The following BCL9 variants were observed in gnomAD, a reference collection of about 807,000 sequenced individuals.
The protein encoded by BCL9 is BCL9 transcription coactivator.
BCL9 carries 25 observed loss-of-function variants against 88.5 expected under a neutral mutation model. That is an observed-to-expected ratio of 0.28 (90% CI 0.21 to 0.39). The LOEUF (loss-of-function observed/expected upper bound fraction) is 0.39. Among genes scored for constraint, BCL9 ranks in the 10% least tolerant of loss-of-function variants. The pLI, the probability that BCL9 is intolerant of heterozygous loss-of-function variation, is 1.00. For missense variants in BCL9, 1,817 were observed against 1,877.8 expected (o/e 0.97, Z 0.60); for synonymous variants, 711 against 673.3 (o/e 1.06, Z -0.87).
At position 147,582,272 on chromosome 1, in the gene BCL9, C is replaced by T. The variant is rs587619054; in HGVS notation, c.-477-22505C>T. ...ATGAATGTACCAAGGTTTATTTAAC[C>T]ATTCCTATTCTGCTCTATGTTTAGA... On this transcript the variant is annotated intron_variant, in intron 1 of 9. Transcript: ENST00000234739. Among the ~76,000 whole-genome samples, 8 of 152,268 alleles carry T rather than the reference C, an allele frequency of 5.3e-5. No individual in the cohort carries two copies. The South Asian group carries it at 1.5e-3, about 28-fold the overall frequency.
In BCL9 at chr1:147,618,871, C is replaced by A. The variant is rs201967879; in HGVS notation, c.716C>A (p.Pro239Gln). The A allele has an allele frequency of 1.3e-5, 21 of 1,605,340 alleles. 1 individual carries two copies. The highest frequency in any genetic ancestry group is 1.7e-5 in the Non-Finnish European group (20 of 1,175,654). ...CCGAAACCTCTCCCACAACAGCCCC[C>A]AGCTCCGGCCAACCAGGACCAGAAT... ...NDPKPLPQQPPAPANQDQNSS... is the reference protein window; with the variant it reads ...NDPKPLPQQPQAPANQDQNSS... Residue 239 changes from proline (P) to glutamine (Q), a missense_variant, in exon 8 of 10, where the codon CCA (proline) becomes CAA (glutamine). Pro to Gln is a moderately conservative substitution (Grantham distance 76). Around this residue, in one of 2 missense-constraint regions of BCL9, gnomAD observed 1,228 missense variants for 1,191.6 expected, o/e 1.03. Coordinates refer to ENST00000234739, the MANE Select transcript of BCL9 (RefSeq NM_004326.4).
At chr1:147,551,408 G>A (rs1310969344) in intron 1 of BCL9, among the ~76,000 whole-genome samples, 3 of 152,202 alleles carry the variant, frequency 2.0e-5, no homozygotes, top group African/African-American at 7.2e-5. Flanking sequence ...ATTGAATGAA[G>A]GATAGTGGCA....
At chr1:147,592,835 A>G (rs976329437) in intron 1 of BCL9, among the ~76,000 whole-genome samples, 6 of 152,076 alleles carry the variant, frequency 3.9e-5, no homozygotes, top group Admixed American at 3.9e-4. Flanking sequence ...TTATTCCCAC[A>G]CTACTCTGGG....
chr1:147,550,559 G>A (rs1009439896), intron 1 of BCL9, among the ~76,000 whole-genome samples: 1 of 152,174 alleles, frequency 6.6e-6, no homozygotes, highest in Admixed American at 6.5e-5. Context: ...TGAATAGTGA[G>A]AGTGAGAATA....
intron 1 of BCL9, among the ~76,000 whole-genome samples, chr1:147,588,546 G>A (rs637784): frequency 0.14 from 21,097 of 152,100 alleles, 2,830 homozygotes; most frequent in African/African-American, 0.31. Context: ...AGAGAGGCTC[G>A]CTAGTTTCCT....
intron 1 of BCL9, among the ~76,000 whole-genome samples, chr1:147,559,746 G>C (rs782733317): frequency 2.6e-5 from 4 of 152,178 alleles, no homozygotes; most frequent in Non-Finnish European, 4.4e-5. Flanking sequence ...ACAAGCAAGA[G>C]AGTAAATACC....
intron 4 of BCL9, 21 bp downstream of exon 4, chr1:147,611,910 T>G (rs1553202658): frequency 6.2e-7 from 1 of 1,610,526 alleles, no homozygotes; most frequent in Admixed American, 1.7e-5. Context: ...GGCTGGGGCC[T>G]CTTCCTGCAG....
intron 1 of BCL9, among the ~76,000 whole-genome samples, chr1:147,589,275 A>G (rs1656748502): frequency 6.6e-6 from 1 of 152,152 alleles, no homozygotes; most frequent in Non-Finnish European, 1.5e-5. Context: ...GTCACCCATA[A>G]TTCTAAAACT....
intron 1 of BCL9, among the ~76,000 whole-genome samples, chr1:147,567,387 A>T (rs1553196855): frequency 6.6e-6 from 1 of 152,200 alleles, no homozygotes; most frequent in Non-Finnish European, 1.5e-5. Context: ...TAGGAAGAGA[A>T]TGCTACTCTG....
chr1:147,575,719 T>G (rs1195555143), intron 1 of BCL9, among the ~76,000 whole-genome samples: 1 of 152,232 alleles, frequency 6.6e-6, no homozygotes, highest in Non-Finnish European at 1.5e-5. Context: ...TTCACTATAT[T>G]TATCTACTTA....
intron 2 of BCL9, among the ~76,000 whole-genome samples, chr1:147,605,308 T>C (rs1553201844): frequency 2.0e-5 from 3 of 152,222 alleles, no homozygotes; most frequent in African/African-American, 7.2e-5. Context: ...GGAATGACAG[T>C]GCCCTCAGAG....
intron 1 of BCL9, among the ~76,000 whole-genome samples, chr1:147,547,782 C>T (rs1553194395): frequency 6.6e-6 from 1 of 152,086 alleles, no homozygotes; most frequent in East Asian, 1.9e-4. Flanking sequence ...AGTGGACATG[C>T]CAGTAAGACT....
chr1:147,618,800 A>C lies in BCL9; in HGVS notation c.661-16A>C. 6.6e-7 allele frequency: 1 copy of C among 1,511,916 alleles called. No individual in the cohort carries two copies. Among genetic ancestry groups the C allele is most frequent in the Non-Finnish European group, 8.8e-7 (1 of 1,130,766 alleles). The allele number at this position is 1,511,916 out of a possible 1,614,324, so 93.7% of individuals were successfully genotyped here. A position where few individuals can be genotyped will look rare whatever the true frequency, so the allele number is the denominator to read the frequency against. On this transcript the variant is annotated splice_polypyrimidine_tract_variant and intron_variant, in intron 7 of 9. Coordinates refer to ENST00000234739, the MANE Select transcript of BCL9 (RefSeq NM_004326.4). ...TCAGTTTACTAATGATTTTTAAACTATTTGTTTGTCTTCAGAACACACAGA... is the reference window on the plus strand; with the variant it reads ...TCAGTTTACTAATGATTTTTAAACTCTTTGTTTGTCTTCAGAACACACAGA...
rs183052957 is a variant in BCL9 at position 147,577,492 on chromosome 1, C to T, written c.-477-27285C>T. ...AATGTGTCTTTGGCAAACAAAAGGACGAATGCCGTGGAATGTTCTGGAGGT... is the reference window on the plus strand; with the variant it reads ...AATGTGTCTTTGGCAAACAAAAGGATGAATGCCGTGGAATGTTCTGGAGGT... On this transcript the variant is annotated intron_variant, in intron 1 of 9. Coordinates refer to ENST00000234739, the MANE Select transcript of BCL9 (RefSeq NM_004326.4). 3.0e-3 allele frequency among the ~76,000 whole-genome samples: 451 copies of T among 152,196 alleles called. 2 individuals carry two copies. Among genetic ancestry groups the T allele is most frequent in the African/African-American group, 0.01 (431 of 41,508 alleles).
intron 1 of BCL9, among the ~76,000 whole-genome samples, chr1:147,579,311 A>G (rs1449765359): frequency 6.6e-6 from 1 of 152,218 alleles, no homozygotes; most frequent in Non-Finnish European, 1.5e-5. Context: ...GATTCTTTCT[A>G]ACCTTAGCAT....
intron 1 of BCL9, among the ~76,000 whole-genome samples, chr1:147,590,500 C>T (rs1357882224): frequency 1.3e-5 from 2 of 152,156 alleles, no homozygotes; most frequent in Non-Finnish European, 2.9e-5. Flanking sequence ...GTAGCTCTTT[C>T]TTCAAATCTT....
In BCL9 at chr1:147,614,461, T is replaced by G; in HGVS notation, c.405T>G (p.Asp135Glu). ...CTGCTGACCACATAAAGTCCCAGGA[T>G]TCCCAGCACACACCACACTCGATGA... ...CNSADHIKSQDSQHTPHSMTP... is the reference protein window; with the variant it reads ...CNSADHIKSQESQHTPHSMTP... The change falls in exon 6 of 10, where the codon GAT (aspartate) becomes GAG (glutamate). Residue 135 changes from aspartate (D) to glutamate (E), a missense_variant. Transcript: ENST00000234739. 6.2e-7 allele frequency: 1 copy of G among 1,614,072 alleles called. No individual in the cohort carries two copies.
rs782039555 is a variant in BCL9 at position 147,561,123 on chromosome 1, A to G, written c.-478+19449A>G. Among the ~76,000 whole-genome samples, 8 of 152,250 alleles carry G rather than the reference A, an allele frequency of 5.3e-5. No individual in the cohort carries two copies. In the South Asian group the frequency reaches 1.0e-3, roughly 20 times the overall value. On this transcript the variant is annotated intron_variant, in intron 1 of 9. Coordinates refer to ENST00000234739, the MANE Select transcript of BCL9 (RefSeq NM_004326.4). ...ATGCAATTGATTGAGGTAAACCCCA[A>G]CACACACTTTAGTCTTTCTGGAATG...
rs1570810636 is a variant in BCL9 at position 147,552,879 on chromosome 1, A to C, written c.-478+11205A>C. On this transcript the variant is annotated intron_variant, in intron 1 of 9. Coordinates refer to ENST00000234739, the MANE Select transcript of BCL9 (RefSeq NM_004326.4). ...TGTGACCATATGGGACACTAGTGTG[A>C]GTTCTTGTGCAGTACAAAGGAGTAC... Among the ~76,000 whole-genome samples, 4 of 152,242 alleles carry C rather than the reference A, an allele frequency of 2.6e-5. No individual in the cohort carries two copies. The South Asian group carries it at 6.2e-4, about 24-fold the overall frequency.
Sources: gnomAD v4.1 joint callset for allele counts (sites outside exome capture counted in the v4.1 genomes callset) on GRCh38, gnomAD v4.1.1 for gene constraint, gnomAD v4.1.1 regional missense constraint, MANE v1.5 for transcripts, NCBI Gene and HGNC (gene_info 2026-07-23, HGNC 2026-07-21) for gene names.